Variants in MRC1 observed in about 807,000 individuals in gnomAD.
MRC1 encodes the protein macrophage mannose receptor 1.
Under a neutral mutation model 102.9 loss-of-function variants are expected in MRC1, and 62 were observed. The ratio of observed to expected loss-of-function variants is 0.60; its 90% CI spans 0.49 to 0.74. The LOEUF is 0.74. MRC1 is among the 30% of genes least tolerant of loss of function. MRC1 has a pLI of 0.00. For synonymous variants in MRC1, 457 were observed against 298.4 expected (o/e 1.53, Z -5.48); for missense variants, 1,237 against 862.8 (o/e 1.43, Z -5.43).
intron 1 of MRC1, among the ~76,000 whole-genome samples, chr10:17,815,971 T>C (rs1023501039): frequency 6.6e-6 from 1 of 152,146 alleles, no homozygotes; most frequent in Non-Finnish European, 1.5e-5. Flanking sequence ...ATTACGGGCA[T>C]GTGCGACCAC....
At chr10:17,891,204 T>C (rs1230002586) in intron 22 of MRC1, among the ~76,000 whole-genome samples, 2 of 151,614 alleles carry the variant, frequency 1.3e-5, no homozygotes, top group African/African-American at 4.8e-5. Context: ...TCTCACTCTG[T>C]TGCCCAGGCT....
intron 16 of MRC1, among the ~76,000 whole-genome samples, chr10:17,874,790 C>G (rs1023675352): frequency 1.2e-4 from 19 of 152,222 alleles, no homozygotes; most frequent in African/African-American, 4.1e-4. Context: ...CATAAATCCT[C>G]ACAGCTATGC....
At chr10:17,884,803 A>C (rs1159633676) in intron 21 of MRC1, among the ~76,000 whole-genome samples, 2 of 152,192 alleles carry the variant, frequency 1.3e-5, no homozygotes, top group African/African-American at 4.8e-5. Context: ...CAACAGCCTA[A>C]TGATTCTTGT....
intron 1 of MRC1, among the ~76,000 whole-genome samples, chr10:17,814,298 A>C (rs1838271953): frequency 6.6e-6 from 1 of 152,240 alleles, no homozygotes; most frequent in Non-Finnish European, 1.5e-5. Flanking sequence ...AATGTGGTTC[A>C]AAATAACACT....
At chr10:17,843,257 G>A (rs1406864702) in intron 5 of MRC1, among the ~76,000 whole-genome samples, 2 of 152,152 alleles carry the variant, frequency 1.3e-5, no homozygotes, top group Admixed American at 6.6e-5. Flanking sequence ...TTTTAGTGCT[G>A]ATACCTTATC....
chr10:17,903,392 C>CTTTTTTTTTTTTTTTTTTTT (rs35118275), intron 26 of MRC1, among the ~76,000 whole-genome samples: 33 of 88,860 alleles, frequency 3.7e-4, no homozygotes, highest in African/African-American at 4.4e-4. Flanking sequence ...CTTTTTTTTT[C>CTTTTTTTTTTTTTTTTTTTT]TTTTTTTTTT....
intron 1 of MRC1, among the ~76,000 whole-genome samples, chr10:17,815,924 T>G (rs931606026): frequency 5.1e-4 from 77 of 152,290 alleles, no homozygotes; most frequent in Non-Finnish European, 9.4e-4. Flanking sequence ...CCTTGTGGGT[T>G]CAAGAGATTC....
At chr10:17,854,311 T>A (rs1258130030) in intron 8 of MRC1, among the ~76,000 whole-genome samples, 1 of 152,248 alleles carries the variant, frequency 6.6e-6, no homozygotes, top group Admixed American at 6.5e-5. Flanking sequence ...ATATTTATTG[T>A]TCAATAATTT....
intron 2 of MRC1, among the ~76,000 whole-genome samples, chr10:17,826,156 A>G (rs1384821208): frequency 6.6e-6 from 1 of 151,856 alleles, no homozygotes; most frequent in Non-Finnish European, 1.5e-5. Context: ...CAAGCTTTAT[A>G]TTATCAAAAT....
At chr10:17,889,187 A>G (rs1186763428) in intron 22 of MRC1, among the ~76,000 whole-genome samples, 3 of 152,072 alleles carry the variant, frequency 2.0e-5, no homozygotes, top group African/African-American at 7.2e-5. Context: ...TCTTATACCA[A>G]TATCTGAGTC....
intron 22 of MRC1, among the ~76,000 whole-genome samples, chr10:17,892,074 C>A (rs900280178): frequency 4.3e-4 from 66 of 152,164 alleles, no homozygotes; most frequent in Non-Finnish European, 8.2e-4. Context: ...GTGGTGAAAC[C>A]GCAGTTAGTT....
chr10:17,858,988 G>T (rs959817484), intron 9 of MRC1, among the ~76,000 whole-genome samples: 1 of 151,936 alleles, frequency 6.6e-6, no homozygotes, highest in South Asian at 2.1e-4. Context: ...ACCTCTTTTC[G>T]TATCTTCATC....
At chr10:17,812,333 T>A (rs1015470504) in intron 1 of MRC1, among the ~76,000 whole-genome samples, 82 of 152,206 alleles carry the variant, frequency 5.4e-4, no homozygotes, top group African/African-American at 1.9e-3. Context: ...GACACAGAGG[T>A]TAGACCACAG....
intron 22 of MRC1, among the ~76,000 whole-genome samples, chr10:17,892,882 C>T (rs1032213837): frequency 6.6e-5 from 10 of 151,850 alleles, no homozygotes; most frequent in African/African-American, 2.4e-4. Flanking sequence ...TGGTGGCACA[C>T]GCCTGTAGTC....
chr10:17,817,551 AT>A (rs1304805982), intron 1 of MRC1, among the ~76,000 whole-genome samples: 3 of 152,164 alleles, frequency 2.0e-5, no homozygotes, highest in African/African-American at 7.2e-5. Flanking sequence ...GCGTGTGGTC[AT>A]TGTTTGTCAA....
At chr10:17,866,281 G>A (rs1230194135) in intron 11 of MRC1, among the ~76,000 whole-genome samples, 1 of 152,106 alleles carries the variant, frequency 6.6e-6, no homozygotes. Context: ...AGGAAGGGAA[G>A]AAGGAAGGAA....
At chr10:17,829,285 G>A (rs1035492839) in intron 3 of MRC1, among the ~76,000 whole-genome samples, 3 of 151,354 alleles carry the variant, frequency 2.0e-5, no homozygotes, top group Non-Finnish European at 4.4e-5. Flanking sequence ...TGAATTTGAC[G>A]AACAAAAGCC....
At chr10:17,905,223 C>G (rs1373547045) in intron 26 of MRC1, among the ~76,000 whole-genome samples, 1 of 152,134 alleles carries the variant, frequency 6.6e-6, no homozygotes, top group Non-Finnish European at 1.5e-5. Context: ...TTTAAGGCTA[C>G]AGCAGAACTG....
intron 1 of MRC1, among the ~76,000 whole-genome samples, chr10:17,818,009 G>T (rs1002671085): frequency 6.6e-6 from 1 of 152,146 alleles, no homozygotes; most frequent in African/African-American, 2.4e-5. Flanking sequence ...ACATTTCCTT[G>T]TATTGTCTGG....
Sources: allele counts gnomAD v4.1 joint callset (sites outside exome capture counted in the v4.1 genomes callset), GRCh38; gene constraint gnomAD v4.1.1; transcripts MANE v1.5; gene names NCBI Gene and HGNC (gene_info 2026-07-23, HGNC 2026-07-21).